Variants in ABCC12 observed in about 807,000 individuals in gnomAD.
The protein encoded by ABCC12 is ATP-binding cassette sub-family C member 12.
In ABCC12, 142 loss-of-function variants were observed where a neutral mutation model predicts 151.1. The ratio of observed to expected loss-of-function variants is 0.94; its 90% CI spans 0.82 to 1.08. The LOEUF is 1.08. ABCC12 is among the 50% of genes least tolerant of loss of function. ABCC12 has a pLI of 0.00. For missense variants in ABCC12, 1,638 were observed against 1,691.1 expected, an observed-to-expected ratio of 0.97 and a Z score of 0.55; for synonymous variants, 645 against 646.4, an observed-to-expected ratio of 1.00 and a Z score of 0.03.
intron 24 of ABCC12, among the ~76,000 whole-genome samples, chr16:48,093,268 C>T (rs1045047766): frequency 3.9e-5 from 6 of 152,150 alleles, no homozygotes; most frequent in Non-Finnish European, 5.9e-5. Context: ...GCTTACAAAG[C>T]TCTATGTATT....
chr16:48,098,600 C>A (rs1368888208), intron 23 of ABCC12, among the ~76,000 whole-genome samples: 1 of 152,258 alleles, frequency 6.6e-6, no homozygotes, highest in African/African-American at 2.4e-5. Flanking sequence ...ACAAATTCAA[C>A]TGACAGCCTC....
At position 48,083,386 on chromosome 16, in the gene ABCC12, A is replaced by G. The variant is rs1457385335; in HGVS notation, c.*329T>C. 1 of 263,592 alleles carries G rather than the reference A, an allele frequency of 3.8e-6. No homozygotes were observed. Among genetic ancestry groups the G allele is most frequent in the Non-Finnish European group, 7.0e-6 (1 of 142,364 alleles). The allele number at this position is 263,592 out of a possible 1,614,324, so 16.3% of individuals were successfully genotyped here. On this transcript the variant is annotated 3_prime_UTR_variant, in exon 31 of 31. Coordinates refer to ENST00000311303, the MANE Select transcript of ABCC12 (RefSeq NM_001393797.1). Reference sequence around the variant, plus strand: ...GTTTATTGTGGCTGATTTCTAACTGAAAGTTACAATATTTTCAATCTCAGG... The same window carrying G: ...GTTTATTGTGGCTGATTTCTAACTGGAAGTTACAATATTTTCAATCTCAGG...
intron 27 of ABCC12, among the ~76,000 whole-genome samples, 153 bp from the exon 28 acceptor site, chr16:48,086,972 C>A (rs1962640329): frequency 6.6e-6 from 1 of 152,136 alleles, no homozygotes; most frequent in African/African-American, 2.4e-5. Flanking sequence ...GGACAGTGGT[C>A]CACAAAATAT....
At chr16:48,124,485 AT>A (rs1964175830) in intron 11 of ABCC12, among the ~76,000 whole-genome samples, 1 of 152,194 alleles carries the variant, frequency 6.6e-6, no homozygotes, top group Non-Finnish European at 1.5e-5. Flanking sequence ...GTAAGTCTTA[AT>A]TAAGTGCTTT....
chr16:48,098,941 G>A (rs1425402303), intron 23 of ABCC12, among the ~76,000 whole-genome samples: 1 of 152,140 alleles, frequency 6.6e-6, no homozygotes, highest in African/African-American at 2.4e-5. Flanking sequence ...CTTTCCTCAT[G>A]GCCAGGACTT....
In ABCC12 at chr16:48,136,023, T is replaced by A. The variant is rs141552990; in HGVS notation, c.980-2188A>T. Among the ~76,000 whole-genome samples, 30 of 152,216 alleles carry A rather than the reference T, an allele frequency of 2.0e-4. 1 individual carries two copies. In the East Asian group the frequency reaches 5.8e-3, roughly 30 times the overall value. ...CAGGTGCTTTCTCATAAGATCGTCCTCACCACTGCATGATGAGAGAGAGTC... is the reference window on the plus strand; with the variant it reads ...CAGGTGCTTTCTCATAAGATCGTCCACACCACTGCATGATGAGAGAGAGTC... On this transcript the variant is annotated intron_variant, in intron 8 of 30. Coordinates refer to ENST00000311303, the MANE Select transcript of ABCC12 (RefSeq NM_001393797.1).
At chr16:48,146,502 T>C (rs112189527) in intron 2 of ABCC12, 28 bp from the exon 3 acceptor site, 36 of 1,167,838 alleles carry the variant, frequency 3.1e-5, no homozygotes, top group African/African-American at 2.6e-4. Flanking sequence ...CAAAGGTTAT[T>C]GAGAGGTGAG....
intron 21 of ABCC12, 86 bp downstream of exon 21, chr16:48,105,053 C>A: frequency 2.7e-6 from 4 of 1,506,286 alleles, no homozygotes; most frequent in Non-Finnish European, 3.7e-6. Context: ...TCCCCAGAGC[C>A]CAGCACCATG....
intron 7 of ABCC12, 63 bp downstream of exon 7, chr16:48,139,100 A>G (rs943861848): frequency 4.0e-6 from 6 of 1,500,764 alleles, no homozygotes; most frequent in East Asian, 2.3e-5. Context: ...CTTCCACCCA[A>G]TTCAGTGAAA....
rs747132286 is a variant in ABCC12, at chr16:48,100,852, G to C, written c.3038+20C>G. Reference sequence around the variant, plus strand: ...GCATGAAGCATGGGGGCCTGGGGCAGGGCCCCACATGGGACTCACTAGGTG... The same window carrying C: ...GCATGAAGCATGGGGGCCTGGGGCACGGCCCCACATGGGACTCACTAGGTG... On this transcript the variant is annotated intron_variant, in intron 23 of 30. Transcript: ENST00000311303. The C allele has an allele frequency of 1.3e-5, 21 of 1,611,962 alleles. No individual in the cohort carries two copies. The highest frequency in any genetic ancestry group is 1.6e-5 in the Non-Finnish European group (19 of 1,178,994).
intron 2 of ABCC12, among the ~76,000 whole-genome samples, chr16:48,153,220 T>A (rs972380264): frequency 6.6e-6 from 1 of 152,224 alleles, no homozygotes; most frequent in Non-Finnish European, 1.5e-5. Context: ...ATTTCCTGAT[T>A]TTGATATTAA....
At chr16:48,088,466 T>C (rs1962721138) in intron 26 of ABCC12, 79 bp downstream of exon 26, 2 of 1,481,688 alleles carry the variant, frequency 1.3e-6, no homozygotes, top group Non-Finnish European at 1.8e-6. Flanking sequence ...CATCACTCTC[T>C]GGTGTGACTT....
Position 48,083,068 on chromosome 16 carries a change from G to GT in ABCC12, c.*646dup, listed in dbSNP as rs1443732296. 6.6e-6 allele frequency: 1 copy of GT among 152,212 alleles called. No homozygotes were observed. The highest frequency in any genetic ancestry group is 1.5e-5 in the Non-Finnish European group (1 of 68,046). The allele number at this position is 152,212 out of a possible 1,614,324, so 9.4% of individuals were successfully genotyped here. On this transcript the variant is annotated 3_prime_UTR_variant, in exon 31 of 31. Coordinates refer to ENST00000311303, the MANE Select transcript of ABCC12 (RefSeq NM_001393797.1). ...ACATTTCAGGGTAATTTCCTACCGC[G>GT]TTTTAACGACGAATAAAGAAGATAT... is the stretch of plus-strand genomic sequence containing the variant.
rs1207186520 is a variant in ABCC12, at chr16:48,141,362, A to T, written c.276-9T>A. 6.2e-7 allele frequency: 1 copy of T among 1,613,204 alleles called. No individual in the cohort carries two copies. Among genetic ancestry groups the T allele is most frequent in the African/African-American group, 1.3e-5 (1 of 74,324 alleles). On this transcript the variant is annotated splice_polypyrimidine_tract_variant and intron_variant, in intron 4 of 30. Transcript: ENST00000311303. ...CCCAAAGGACTCGAAATCTGTGATG[A>T]AAAAACAGAAGCATAAAATGGATTG... is the stretch of plus-strand genomic sequence containing the variant.
At chr16:48,130,442 T>C (rs1424819498) in intron 10 of ABCC12, among the ~76,000 whole-genome samples, 2 of 152,188 alleles carry the variant, frequency 1.3e-5, no homozygotes, top group Non-Finnish European at 2.9e-5. Context: ...TCCATCACCA[T>C]GCCCATTAAA....
intron 11 of ABCC12, among the ~76,000 whole-genome samples, 154 bp downstream of exon 11, chr16:48,128,305 G>A (rs547553805): frequency 2.6e-5 from 4 of 152,338 alleles, no homozygotes; most frequent in Admixed American, 1.3e-4. Context: ...CATGTACATA[G>A]TTTTAAAACT....
chr16:48,108,620 G>A (rs1434985709), intron 18 of ABCC12, 91 bp from the exon 19 acceptor site: 5 of 891,866 alleles, frequency 5.6e-6, no homozygotes, highest in Non-Finnish European at 7.1e-6. Flanking sequence ...TCCACAACAC[G>A]GCTAAGGGGG....
Position 48,088,032 on chromosome 16 carries a change from T to C in ABCC12, c.3529A>G (p.Thr1177Ala), listed in dbSNP as rs1284870702. The C allele has an allele frequency of 3.1e-6, 5 of 1,614,244 alleles. No homozygotes were observed. The highest frequency in any genetic ancestry group is 4.5e-5 in the East Asian group (2 of 44,884). Reference sequence around the variant, plus strand: ...ATATCCACCTCATCAATAAAGATTGTGCCACTGGCTGGCTCCACCAGACGA... The same window carrying C: ...ATATCCACCTCATCAATAAAGATTGCGCCACTGGCTGGCTCCACCAGACGA... The part of the protein sequence containing the change: ...LFRLVEPASG[T>A]IFIDEVDICI... Residue 1177 changes from threonine (T) to alanine (A), a missense_variant, in exon 27 of 31, where the codon ACA becomes GCA. By Grantham distance (58) the Thr-to-Ala change is moderately conservative (BLOSUM62 0). Transcript: ENST00000311303.
At chr16:48,105,423 A>G in intron 20 of ABCC12, 87 bp from the exon 21 acceptor site, 3 of 1,316,158 alleles carry the variant, frequency 2.3e-6, no homozygotes, top group Non-Finnish European at 3.2e-6. Context: ...TCCAGAGAGA[A>G]GAAACTAAGA....
Sources: gnomAD v4.1 joint callset for allele counts (sites outside exome capture counted in the v4.1 genomes callset) on GRCh38, gnomAD v4.1.1 for gene constraint, MANE v1.5 for transcripts, NCBI Gene and HGNC (gene_info 2026-07-23, HGNC 2026-07-21) for gene names.